DPP10: variants seen among roughly 807,000 people sequenced by gnomAD.
The protein encoded by DPP10 is dipeptidyl peptidase like 10, also known as inactive dipeptidyl peptidase 10.
Under a neutral mutation model 120.9 loss-of-function variants are expected in DPP10, and 33 were observed. The observed-to-expected ratio is 0.27, with a 90% CI of 0.21 to 0.37. The LOEUF (loss-of-function observed/expected upper bound fraction) is 0.37. Among genes scored for constraint, DPP10 ranks in the 10% least tolerant of loss-of-function variants. The pLI is 1.00. For synonymous variants in DPP10, 337 were observed against 326.1 expected, an observed-to-expected ratio of 1.03 and a Z score of -0.36; for missense variants, 816 against 942.8, an observed-to-expected ratio of 0.87 and a Z score of 1.76.
chr2:115,349,698 A>G (rs1574514168), intron 3 of DPP10, among the ~76,000 whole-genome samples: 1 of 152,252 alleles, frequency 6.6e-6, no homozygotes, highest in Admixed American at 6.6e-5. Flanking sequence ...AATAATATTT[A>G]CAGTAATTAG....
chr2:114,657,723 C>T (rs188807948), intron 1 of DPP10, among the ~76,000 whole-genome samples: 255 of 152,104 alleles, frequency 1.7e-3, no homozygotes, highest in Non-Finnish European at 2.2e-3. Context: ...TAGTAGCATA[C>T]GTGAAAAAAT....
intron 1 of DPP10, chr2:115,234,061 A>G (rs1337458307): frequency 4.6e-6 from 2 of 433,940 alleles, no homozygotes; most frequent in Middle Eastern, 3.7e-4. Context: ...TTAATAAGCA[A>G]TAGAATAATG....
chr2:115,737,475 G>T (rs748084668), intron 8 of DPP10, among the ~76,000 whole-genome samples: 3 of 152,100 alleles, frequency 2.0e-5, no homozygotes, highest in Admixed American at 6.6e-5. Context: ...AAGCGACAAT[G>T]ATCTTTTTTC....
At chr2:115,807,431 A>C (rs1686118370) in intron 19 of DPP10, among the ~76,000 whole-genome samples, 1 of 152,190 alleles carries the variant, frequency 6.6e-6, no homozygotes, top group African/African-American at 2.4e-5. Context: ...TCAGTGTTTC[A>C]ACTTGTGTAA....
rs70941010 is a variant in DPP10, at chr2:114,831,022, A to ATTTTTTTTTTTTTTTTTTTTTTTTTT, written c.60+388195_60+388220dup. 4.4e-5 allele frequency among the ~76,000 whole-genome samples: 2 copies of ATTTTTTTTTTTTTTTTTTTTTTTTTT among 45,924 alleles called. 1 individual carries two copies. Among genetic ancestry groups the ATTTTTTTTTTTTTTTTTTTTTTTTTT allele is most frequent in the African/African-American group, 1.7e-4 (2 of 11,582 alleles). The allele number at this position is 45,924 out of a possible 152,430, so 30.1% of individuals were successfully genotyped here. On this transcript the variant is annotated intron_variant, in intron 1 of 25. Coordinates refer to ENST00000410059, the MANE Select transcript of DPP10 (RefSeq NM_020868.6). ...GGAATATTTAAACATCCATGCAAAGATTTTTTTTTTTTTTTTTTTTTTTTT... is the reference window on the plus strand; with the variant it reads ...GGAATATTTAAACATCCATGCAAAGATTTTTTTTTTTTTTTTTTTTTTTTTTTTTTTTTTTTTTTTTTTTTTTTTTT...
At chr2:115,603,933 C>T (rs2083526998) in intron 5 of DPP10, among the ~76,000 whole-genome samples, 1 of 152,042 alleles carries the variant, frequency 6.6e-6, no homozygotes, top group Non-Finnish European at 1.5e-5. Flanking sequence ...TAGGTGTTTA[C>T]ATCTTAAGAA....
intron 19 of DPP10, among the ~76,000 whole-genome samples, chr2:115,811,601 G>C (rs1178713326): frequency 6.6e-6 from 1 of 152,216 alleles, no homozygotes; most frequent in Non-Finnish European, 1.5e-5. Context: ...GTCATACGTA[G>C]ATTGGAAAGT....
chr2:115,490,813 C>A (rs2076069779), intron 3 of DPP10, among the ~76,000 whole-genome samples: 2 of 152,112 alleles, frequency 1.3e-5, no homozygotes, highest in South Asian at 4.1e-4. Context: ...CTAAGGAAGA[C>A]CTTATTCAAA....
intron 1 of DPP10, chr2:115,162,299 C>G (rs368081759): frequency 6.6e-7 from 1 of 1,508,330 alleles, no homozygotes; most frequent in Admixed American, 2.3e-5. Flanking sequence ...CCCCGGGGAA[C>G]CCCGGCGGGC....
intron 1 of DPP10, among the ~76,000 whole-genome samples, chr2:114,797,370 C>T (rs1519668): frequency 0.61 from 92,756 of 151,958 alleles, 28,524 homozygotes; most frequent in East Asian, 0.78. Context: ...TAGGTCTAAA[C>T]ATGAGTTCTA....
intron 5 of DPP10, among the ~76,000 whole-genome samples, chr2:115,607,595 C>T (rs549091981): frequency 2.7e-4 from 41 of 152,112 alleles, no homozygotes; most frequent in Non-Finnish European, 5.4e-4. Flanking sequence ...TTGTCATATC[C>T]TTTAGCATTT....
chr2:114,794,917 C>T (rs1683572129), intron 1 of DPP10, among the ~76,000 whole-genome samples: 1 of 152,170 alleles, frequency 6.6e-6, no homozygotes, highest in Non-Finnish European at 1.5e-5. Context: ...AGTGTAAGCT[C>T]TCAGTACATT....
intron 17 of DPP10, among the ~76,000 whole-genome samples, chr2:115,784,344 A>C (rs1294583156): frequency 2.0e-5 from 3 of 152,194 alleles, no homozygotes; most frequent in Non-Finnish European, 2.9e-5. Flanking sequence ...AATTTTAAAA[A>C]AGAAAAAGGA....
chr2:114,613,472 C>T (rs1466892752), intron 1 of DPP10, among the ~76,000 whole-genome samples: 1 of 152,142 alleles, frequency 6.6e-6, no homozygotes, highest in Non-Finnish European at 1.5e-5. Flanking sequence ...ACAACAGATG[C>T]TGGTGAAGCT....
intron 19 of DPP10, among the ~76,000 whole-genome samples, chr2:115,808,343 G>A (rs1322098764): frequency 2.0e-5 from 3 of 152,180 alleles, no homozygotes; most frequent in Non-Finnish European, 4.4e-5. Flanking sequence ...GAGAAACGAT[G>A]TTCTTGAATG....
chr2:114,636,198 T>G (rs1278749728), intron 1 of DPP10, among the ~76,000 whole-genome samples: 1 of 152,020 alleles, frequency 6.6e-6, no homozygotes, highest in Non-Finnish European at 1.5e-5. Context: ...TATTTTTCCT[T>G]GAAATAATCA....
intron 1 of DPP10, among the ~76,000 whole-genome samples, chr2:114,995,131 G>C (rs1171258409): frequency 1.3e-5 from 2 of 152,174 alleles, no homozygotes; most frequent in Non-Finnish European, 2.9e-5. Flanking sequence ...ATTGCCAGGA[G>C]AACCTGCCCA....
At chr2:114,586,560 G>A (rs1171076559) in intron 1 of DPP10, among the ~76,000 whole-genome samples, 2 of 152,206 alleles carry the variant, frequency 1.3e-5, no homozygotes, top group Admixed American at 6.5e-5. Flanking sequence ...TTAAGTACTT[G>A]ATAAATAGTC....
At chr2:114,540,973 G>A (rs1301184269) in intron 1 of DPP10, among the ~76,000 whole-genome samples, 1 of 152,120 alleles carries the variant, frequency 6.6e-6, no homozygotes, top group East Asian at 1.9e-4. Flanking sequence ...TCCCGTCACA[G>A]CTTAACTCCA....
Sources: allele counts gnomAD v4.1 joint callset (sites outside exome capture counted in the v4.1 genomes callset), GRCh38; gene constraint gnomAD v4.1.1; transcripts MANE v1.5; gene names NCBI Gene and HGNC (gene_info 2026-07-23, HGNC 2026-07-21).